Variants in CCDC175 observed in about 807,000 individuals in gnomAD.
CCDC175 encodes coiled-coil domain-containing protein 175.
Under a neutral mutation model 114.6 loss-of-function variants are expected in CCDC175, and 100 were observed. That is an observed-to-expected ratio of 0.87 (90% CI 0.74 to 1.03). The LOEUF is 1.03. Ranked by LOEUF, CCDC175 falls within the 50% of genes least tolerant of loss-of-function variation. The pLI is 0.00. For missense variants in CCDC175, 880 were observed against 917.8 expected (o/e 0.96, Z 0.53); for synonymous variants, 306 against 308.7 (o/e 0.99, Z 0.09).
At chr14:59,574,753 C>T (rs1166486932) in intron 2 of CCDC175, among the ~76,000 whole-genome samples, 190 bp downstream of exon 2, 1 of 152,190 alleles carries the variant, frequency 6.6e-6, no homozygotes, top group Non-Finnish European at 1.5e-5. Context: ...CATGGAAAAT[C>T]AAGTAACAAT....
chr14:59,541,437 A>G (rs1050847477), intron 10 of CCDC175, among the ~76,000 whole-genome samples: 2 of 152,220 alleles, frequency 1.3e-5, no homozygotes, highest in East Asian at 3.8e-4. Flanking sequence ...TTGGACAGAA[A>G]TGAATTGAAA....
intron 7 of CCDC175, among the ~76,000 whole-genome samples, chr14:59,555,241 C>A (rs541813784): frequency 2.9e-3 from 448 of 152,292 alleles, no homozygotes; most frequent in African/African-American, 0.01. Context: ...CCGAATCCAG[C>A]AGCACATCAA....
chr14:59,570,495 A>G (rs1309940407), intron 3 of CCDC175, among the ~76,000 whole-genome samples: 1 of 152,002 alleles, frequency 6.6e-6, no homozygotes, highest in Non-Finnish European at 1.5e-5. Flanking sequence ...GAAACAGATT[A>G]TAAAATGTGT....
At chr14:59,568,969 C>T in intron 3 of CCDC175, among the ~76,000 whole-genome samples, 1 of 152,184 alleles carries the variant, frequency 6.6e-6, no homozygotes, top group East Asian at 1.9e-4. Flanking sequence ...ATTATACTCC[C>T]TAATAAAATA....
chr14:59,505,474 A>T, intron 19 of CCDC175, 159 bp from the exon 20 acceptor site: 3 of 410,838 alleles, frequency 7.3e-6, no homozygotes, highest in Non-Finnish European at 1.3e-5. Flanking sequence ...TCTGATTACT[A>T]GGACTATATC....
chr14:59,506,781 G>A (rs892382713), intron 19 of CCDC175, among the ~76,000 whole-genome samples: 4 of 152,154 alleles, frequency 2.6e-5, no homozygotes, highest in Non-Finnish European at 5.9e-5. Flanking sequence ...AAATGTAGAT[G>A]ATTGTATCAA....
intron 7 of CCDC175, among the ~76,000 whole-genome samples, chr14:59,553,481 G>A (rs1053988347): frequency 6.6e-6 from 1 of 152,284 alleles, no homozygotes; most frequent in East Asian, 1.9e-4. Flanking sequence ...ACATGGAAAG[G>A]AAGAACCGGC....
rs139904727 is a variant in CCDC175, at chr14:59,554,195, A to G, written c.954-2759T>C. 2.9e-3 allele frequency among the ~76,000 whole-genome samples: 445 copies of G among 152,356 alleles called. 2 individuals are homozygous for G. Among genetic ancestry groups the G allele is most frequent in the African/African-American group, 0.01 (434 of 41,574 alleles). On this transcript the variant is annotated intron_variant, in intron 7 of 19. Transcript: ENST00000537690. ...CAGCACCACACAGCACTTATTCCAAAATTGACCACATAGTTAGAACTAAAG... is the reference window on the plus strand; with the variant it reads ...CAGCACCACACAGCACTTATTCCAAGATTGACCACATAGTTAGAACTAAAG...
At position 59,538,782 on chromosome 14, in the gene CCDC175, T is replaced by C; in HGVS notation, c.1414A>G (p.Lys472Glu). ...ATAGCTTGTATTTCAGCTTTTATCT[T>C]GGCTGTCCAACGTGCATGCTTTTTT... ...LRKKHARWTA[K>E]IKAEIQAITE... is the part of the protein sequence containing the mutation. Residue 472 changes from lysine to glutamate, a missense_variant, in exon 12 of 20, where the codon AAG becomes GAG. Transcript: ENST00000537690. 6.5e-7 allele frequency: 1 copy of C among 1,537,066 alleles called. No homozygotes were observed. The highest frequency in any genetic ancestry group is 8.7e-7 in the Non-Finnish European group (1 of 1,146,718).
chr14:59,542,864 C>T (rs1184694238), intron 10 of CCDC175, among the ~76,000 whole-genome samples: 1 of 151,984 alleles, frequency 6.6e-6, no homozygotes, highest in East Asian at 1.9e-4. Flanking sequence ...TGGATACATA[C>T]ATATAAATAT....
At chr14:59,517,326 C>T (rs1015501806) in intron 17 of CCDC175, among the ~76,000 whole-genome samples, 8 of 152,170 alleles carry the variant, frequency 5.3e-5, no homozygotes, top group Non-Finnish European at 8.8e-5. Flanking sequence ...CCAGGGCAAT[C>T]AGGCAGGAGA....
At chr14:59,572,113 G>A (rs1896879944) in intron 3 of CCDC175, among the ~76,000 whole-genome samples, 1 of 152,142 alleles carries the variant, frequency 6.6e-6, no homozygotes, top group Non-Finnish European at 1.5e-5. Context: ...GATAAGGGAT[G>A]CTCAACCTGC....
intron 8 of CCDC175, among the ~76,000 whole-genome samples, chr14:59,546,431 G>A (rs1895114445): frequency 6.6e-6 from 1 of 152,062 alleles, no homozygotes; most frequent in Admixed American, 6.6e-5. Flanking sequence ...ATATACCCTT[G>A]TAATAAACCT....
intron 7 of CCDC175, among the ~76,000 whole-genome samples, chr14:59,551,910 G>C (rs185179480): frequency 6.6e-6 from 1 of 152,210 alleles, no homozygotes; most frequent in Non-Finnish European, 1.5e-5. Context: ...AGGCAGCAGC[G>C]AGGCTGGGGG....
chr14:59,521,457 C>T, intron 17 of CCDC175, 117 bp downstream of exon 17: 1 of 605,908 alleles, frequency 1.7e-6, no homozygotes, highest in South Asian at 2.2e-5. Flanking sequence ...GGGACTTTAC[C>T]TTGTGATCAT....
At position 59,537,405 on chromosome 14, in the gene CCDC175, C is replaced by G. The variant is rs557099179; in HGVS notation, c.1623+618G>C. On this transcript the variant is annotated intron_variant, in intron 13 of 19. Transcript: ENST00000537690. ...GGGTTATTTCCTTCAAATAAAGCCC[C>G]TCTTTGGTGTGGCCAAGACCTCTTC... Among the ~76,000 whole-genome samples the G allele has an allele frequency of 6.6e-5, 10 of 152,220 alleles. No individual in the cohort carries two copies. The East Asian group carries it at 1.9e-3, about 29-fold the overall frequency.
intron 7 of CCDC175, among the ~76,000 whole-genome samples, chr14:59,552,415 T>A (rs1487126461): frequency 1.3e-5 from 2 of 152,232 alleles, no homozygotes; most frequent in East Asian, 3.9e-4. Flanking sequence ...GTCCTGACTG[T>A]TAGAAGGAAA....
chr14:59,511,913 G>T, intron 17 of CCDC175, 110 bp from the exon 18 acceptor site: 2 of 776,092 alleles, frequency 2.6e-6, no homozygotes, highest in Non-Finnish European at 4.1e-6. Flanking sequence ...ATCTAAAAAT[G>T]TCTAGTTCCA....
At chr14:59,517,726 G>A (rs574496917) in intron 17 of CCDC175, among the ~76,000 whole-genome samples, 71 of 152,206 alleles carry the variant, frequency 4.7e-4, no homozygotes, top group African/African-American at 1.5e-3. Flanking sequence ...AATCAATATC[G>A]TGAAAACAGC....
Sources: gnomAD v4.1 joint callset for allele counts (sites outside exome capture counted in the v4.1 genomes callset) on GRCh38, gnomAD v4.1.1 for gene constraint, MANE v1.5 for transcripts, NCBI Gene and HGNC (gene_info 2026-07-23, HGNC 2026-07-21) for gene names.